ORC3: variants seen among roughly 807,000 people sequenced by gnomAD.
ORC3 encodes origin recognition complex subunit 3.
Under a neutral mutation model 100.7 loss-of-function variants are expected in ORC3, and 78 were observed. The observed-to-expected ratio is 0.77, with a 90% CI of 0.65 to 0.94. The LOEUF (loss-of-function observed/expected upper bound fraction) is 0.94. Ranked by LOEUF, ORC3 falls within the 40% of genes least tolerant of loss-of-function variation. ORC3 has a pLI of 0.00. For synonymous variants in ORC3, 295 were observed against 289.3 expected (o/e 1.02, Z -0.20); for missense variants, 789 against 823.9 (o/e 0.96, Z 0.52).
In ORC3 at chr6:87,664,768, G is replaced by T. The variant is rs139494209; in HGVS notation, c.1859G>T (p.Gly620Val). Residue 620 changes from glycine (G) to valine (V), a missense_variant, in exon 18 of 20, where the codon GGC becomes GTC. Coordinates refer to ENST00000392844, the MANE Select transcript of ORC3 (RefSeq NM_012381.4). ...LKNEALKSEE[G>V]CIPNIAPDIC... ...AATGAAGCACTGAAAAGCGAAGAAG[G>T]CTGCATTCCGAATATCGCCCCAGAC... The T allele has an allele frequency of 7.7e-4, 1,241 of 1,614,028 alleles. 10 individuals are homozygous for T. The Admixed American group carries it at 0.02, about 26-fold the overall frequency.
intron 13 of ORC3, among the ~76,000 whole-genome samples, chr6:87,636,939 G>A (rs1767876504): frequency 6.6e-6 from 1 of 152,112 alleles, no homozygotes; most frequent in South Asian, 2.1e-4. Context: ...AGTAGGCAGT[G>A]GCCTTGGTGC....
rs1777918008 is a variant in ORC3, at chr6:87,601,767, T to C, written c.80-17T>C. 5 of 1,426,328 alleles carry C rather than the reference T, an allele frequency of 3.5e-6. No individual in the cohort carries two copies. Among genetic ancestry groups the C allele is most frequent in the Non-Finnish European group, 3.0e-6 (3 of 1,012,152 alleles). 88.4% of individuals were successfully genotyped at this position (1,426,328 alleles called of 1,614,324 possible). A position where few individuals can be genotyped will look rare whatever the true frequency, so the allele number is the denominator to read the frequency against. ...TTATATGAAAAAAGAAACTGACTTA[T>C]TTCTTTCTGTTTTTAGAGGACTATT... On this transcript the variant is annotated splice_polypyrimidine_tract_variant and intron_variant, in intron 2 of 19. Coordinates refer to ENST00000392844, the MANE Select transcript of ORC3 (RefSeq NM_012381.4).
chr6:87,597,474 C>T (rs889321254), intron 2 of ORC3, among the ~76,000 whole-genome samples: 10 of 152,018 alleles, frequency 6.6e-5, no homozygotes, highest in African/African-American at 2.4e-4. Context: ...TTTTCAAAAG[C>T]TCCCCACAGG....
intron 2 of ORC3, among the ~76,000 whole-genome samples, chr6:87,600,063 G>A (rs937951442): frequency 1.4e-4 from 21 of 152,200 alleles, no homozygotes; most frequent in Admixed American, 9.8e-4. Context: ...TTTACCGTAC[G>A]ATGACTTCAA....
At position 87,601,001 on chromosome 6, in the gene ORC3, C is replaced by T. The variant is rs368594152; in HGVS notation, c.80-783C>T. 2.8e-4 allele frequency among the ~76,000 whole-genome samples: 43 copies of T among 152,032 alleles called. 1 individual carries two copies. The highest frequency in any genetic ancestry group is 8.9e-4 in the African/African-American group (37 of 41,378). On this transcript the variant is annotated intron_variant, in intron 2 of 19. Coordinates refer to ENST00000392844, the MANE Select transcript of ORC3 (RefSeq NM_012381.4). ...CAAATAGCTAACCATTTGGAGAAAGCATTCAAAAAGGATACAAAAATATAC... is the reference window on the plus strand; with the variant it reads ...CAAATAGCTAACCATTTGGAGAAAGTATTCAAAAAGGATACAAAAATATAC...
intron 2 of ORC3, among the ~76,000 whole-genome samples, chr6:87,597,415 C>G (rs904588493): frequency 6.6e-6 from 1 of 151,984 alleles, no homozygotes; most frequent in African/African-American, 2.4e-5. Flanking sequence ...AGACCCTAAC[C>G]CGGATCAATT....
intron 13 of ORC3, among the ~76,000 whole-genome samples, chr6:87,650,295 G>T (rs1189058520): frequency 6.6e-6 from 1 of 151,890 alleles, no homozygotes; most frequent in East Asian, 1.9e-4. Flanking sequence ...GGCTCAAGTG[G>T]TCTTCCCATC....
chr6:87,599,354 A>ATGAT (rs1554235130), intron 2 of ORC3, among the ~76,000 whole-genome samples: 1 of 145,064 alleles, frequency 6.9e-6, no homozygotes, highest in Non-Finnish European at 1.5e-5. Flanking sequence ...TCTTTTTTTT[A>ATGAT]TTATTTATTT....
downstream of ORC3, among the ~76,000 whole-genome samples, chr6:87,672,099 A>G (rs1289972957): frequency 6.6e-6 from 1 of 152,216 alleles, no homozygotes; most frequent in African/African-American, 2.4e-5. Flanking sequence ...AGCTATTTAA[A>G]AAAGAGACAC....
At chr6:87,600,920 T>C (rs1274579017) in intron 2 of ORC3, among the ~76,000 whole-genome samples, 1 of 152,234 alleles carries the variant, frequency 6.6e-6, no homozygotes, top group Non-Finnish European at 1.5e-5. Flanking sequence ...GTGTATTCCT[T>C]AATGTGGATT....
downstream of ORC3, among the ~76,000 whole-genome samples, chr6:87,672,231 G>A (rs9450767): frequency 0.01 from 1,586 of 152,238 alleles, 25 homozygotes; most frequent in African/African-American, 0.037. Flanking sequence ...AAAGGAAGGG[G>A]TAATAAACTG....
At chr6:87,658,933 A>G (rs530362638) in intron 16 of ORC3, among the ~76,000 whole-genome samples, 1 of 134,644 alleles carries the variant, frequency 7.4e-6, no homozygotes, top group African/African-American at 2.8e-5. Context: ...GTGTAAAATC[A>G]CCCACCTAAG....
At chr6:87,677,729 A>C in the ORC3 span, 3 of 1,428,626 alleles carry the variant, frequency 2.1e-6, no homozygotes, top group East Asian at 6.9e-5. Flanking sequence ...ATACCGCACC[A>C]GTGTATAGAA....
chr6:87,606,530 CT>C (rs11288857), intron 5 of ORC3, among the ~76,000 whole-genome samples: 10,092 of 145,394 alleles, frequency 0.069, 411 homozygotes, highest in African/African-American at 0.13. Flanking sequence ...TATTAAAAAG[CT>C]TTTTTTTTTT....
chr6:87,629,601 T>G (rs1767230246), intron 11 of ORC3, among the ~76,000 whole-genome samples: 1 of 152,162 alleles, frequency 6.6e-6, no homozygotes, highest in African/African-American at 2.4e-5. Context: ...CAGGTGCAGT[T>G]TGTTACATAT....
At chr6:87,653,570 A>G (rs1360177238) in intron 14 of ORC3, among the ~76,000 whole-genome samples, 3 of 152,250 alleles carry the variant, frequency 2.0e-5, no homozygotes, top group Non-Finnish European at 4.4e-5. Flanking sequence ...GCAGGGTGTC[A>G]TAATTAAGAA....
At chr6:87,634,816 A>G (rs1767688480) in intron 11 of ORC3, 29 bp from the exon 12 acceptor site, 1 of 1,042,334 alleles carries the variant, frequency 9.6e-7, no homozygotes, top group Admixed American at 1.7e-5. Flanking sequence ...GCTGACTTAC[A>G]TATTAATAAT....
chr6:87,650,479 A>G (rs891061757), intron 13 of ORC3, among the ~76,000 whole-genome samples: 14 of 152,142 alleles, frequency 9.2e-5, no homozygotes, highest in African/African-American at 3.1e-4. Context: ...TTATTGTAGC[A>G]TCTAGACTCC....
chr6:87,635,417 A>G (rs1271416193), intron 12 of ORC3, among the ~76,000 whole-genome samples: 1 of 152,220 alleles, frequency 6.6e-6, no homozygotes, highest in East Asian at 1.9e-4. Flanking sequence ...CCTATCAACC[A>G]TCTGTAGAGT....
Sources: allele counts gnomAD v4.1 joint callset (sites outside exome capture counted in the v4.1 genomes callset), GRCh38; gene constraint gnomAD v4.1.1; transcripts MANE v1.5; gene names NCBI Gene and HGNC (gene_info 2026-07-23, HGNC 2026-07-21).